Variants in ADAMTS2 observed in about 807,000 individuals in gnomAD.
ADAMTS2 encodes ADAM metallopeptidase with thrombospondin type 1 motif 2, also known as A disintegrin and metalloproteinase with thrombospondin motifs 2.
A neutral mutation model predicts 123.0 loss-of-function variants in ADAMTS2; 50 were observed. The ratio of observed to expected loss-of-function variants is 0.41; its 90% CI spans 0.32 to 0.51. The LOEUF is 0.51. ADAMTS2 is among the 20% of genes least tolerant of loss of function. The probability of loss-of-function intolerance (pLI) is 0.35; values close to 1 mark genes in which losing one functional copy is unlikely to be tolerated. For synonymous variants in ADAMTS2, 678 were observed against 695.4 expected (o/e 0.98, Z 0.39); for missense variants, 1,494 against 1,705.2 (o/e 0.88, Z 2.18).
chr5:179,186,070 C>A (rs567059921), intron 4 of ADAMTS2, among the ~76,000 whole-genome samples: 66 of 152,240 alleles, frequency 4.3e-4, no homozygotes, highest in Non-Finnish European at 3.7e-4. Flanking sequence ...CCCAGGCATG[C>A]CCACTCTCTG....
intron 3 of ADAMTS2, among the ~76,000 whole-genome samples, chr5:179,238,463 G>A (rs1290932729): frequency 3.3e-5 from 5 of 152,158 alleles, no homozygotes; most frequent in African/African-American, 9.7e-5. Context: ...GGGGCTGGAG[G>A]GCACAGGGTC....
rs1764599222 is a variant in ADAMTS2 at position 179,202,761 on chromosome 5, C to T, written c.891+4752G>A. The stretch of plus-strand genomic sequence containing the variant: ...CATGGCGCGGGGTGGGTCGGGAGGG[C>T]CCGAGCCTATGTTGCAGCTGTACCT... On this transcript the variant is annotated intron_variant, in intron 4 of 21. Transcript: ENST00000251582. The surrounding 1 kb of genome is among the most constrained non-coding windows in gnomAD (Gnocchi z 4.0). Among the ~76,000 whole-genome samples the T allele has an allele frequency of 6.6e-6, 1 of 152,168 alleles. No individual in the cohort carries two copies. The highest frequency in any genetic ancestry group is 6.5e-5 in the Admixed American group (1 of 15,284).
intron 20 of ADAMTS2, among the ~76,000 whole-genome samples, chr5:179,122,314 C>T (rs372944020): frequency 7.9e-5 from 12 of 152,334 alleles, no homozygotes; most frequent in African/African-American, 2.9e-4. Flanking sequence ...ACAGAGCACA[C>T]TCTCTACTCG....
At position 179,299,263 on chromosome 5, in the gene ADAMTS2, C is replaced by T. The variant is rs187575345; in HGVS notation, c.535-26199G>A. Among the ~76,000 whole-genome samples, 215 of 148,510 alleles carry T rather than the reference C, an allele frequency of 1.4e-3. 2 individuals are homozygous for T. The highest frequency in any genetic ancestry group is 5.0e-3 in the African/African-American group (199 of 40,022). On this transcript the variant is annotated intron_variant, in intron 2 of 21. Coordinates refer to ENST00000251582, the MANE Select transcript of ADAMTS2 (RefSeq NM_014244.5). ...ACACAAATTTGTCCAGGCGCGGTGG[C>T]TCACGCCTGTAATCCCAGCACTTTG...
At chr5:179,123,604 T>A (rs1352573055) in intron 19 of ADAMTS2, among the ~76,000 whole-genome samples, 1 of 152,144 alleles carries the variant, frequency 6.6e-6, no homozygotes, top group Non-Finnish European at 1.5e-5. Context: ...TTTTTTTAAT[T>A]TTTTTGTAAA....
rs563197208 is a variant in ADAMTS2 at position 179,291,012 on chromosome 5, G to A, written c.535-17948C>T. Among the ~76,000 whole-genome samples the A allele has an allele frequency of 8.5e-5, 13 of 152,334 alleles. No homozygotes were observed. In the East Asian group the frequency reaches 2.3e-3, roughly 27 times the overall value. ...GTGCATGGGGCCACGGATGCCCCAGGAGCTCTAGGGCTGTTGACTATGAGG... is the reference window on the plus strand; with the variant it reads ...GTGCATGGGGCCACGGATGCCCCAGAAGCTCTAGGGCTGTTGACTATGAGG... On this transcript the variant is annotated intron_variant, in intron 2 of 21. Coordinates refer to ENST00000251582, the MANE Select transcript of ADAMTS2 (RefSeq NM_014244.5).
chr5:179,140,153 G>C (rs1581148474), intron 10 of ADAMTS2, 118 bp from the exon 11 acceptor site: 5 of 1,477,420 alleles, frequency 3.4e-6, no homozygotes, highest in African/African-American at 2.8e-5. Flanking sequence ...GGGCACAGGG[G>C]GAGCTCACCC....
Position 179,185,189 on chromosome 5 carries a change from G to C in ADAMTS2, c.892-4034C>G, listed in dbSNP as rs1764140849. On this transcript the variant is annotated intron_variant, in intron 4 of 21. Transcript: ENST00000251582. This position sits in a 1 kb window ranked among gnomAD's most constrained non-coding sequence, Gnocchi z 5.9. ...TTCCAAATCCTCTCTAAGAGCAGTGGGAGGACATGGAGGAAGGATGATGGC... is the reference window on the plus strand; with the variant it reads ...TTCCAAATCCTCTCTAAGAGCAGTGCGAGGACATGGAGGAAGGATGATGGC... Among the ~76,000 whole-genome samples, 1 of 152,182 alleles carries C rather than the reference G, an allele frequency of 6.6e-6. No homozygotes were observed. The highest frequency in any genetic ancestry group is 1.5e-5 in the Non-Finnish European group (1 of 68,028).
At chr5:179,159,678 G>A (rs1763559630) in intron 5 of ADAMTS2, among the ~76,000 whole-genome samples, 1 of 152,122 alleles carries the variant, frequency 6.6e-6, no homozygotes, top group South Asian at 2.1e-4. Flanking sequence ...ACATCAGCAG[G>A]CACTCCCATT....
At chr5:179,251,952 A>G (rs1473583204) in intron 3 of ADAMTS2, among the ~76,000 whole-genome samples, 3 of 151,952 alleles carry the variant, frequency 2.0e-5, no homozygotes, top group African/African-American at 7.2e-5. Flanking sequence ...CCTAACAGCA[A>G]CAATGATCAG....
At chr5:179,289,815 T>A (rs1756134678) in intron 2 of ADAMTS2, among the ~76,000 whole-genome samples, 1 of 152,158 alleles carries the variant, frequency 6.6e-6, no homozygotes. Flanking sequence ...TCTGTGACAG[T>A]CCTGCCAGAA....
In ADAMTS2 at chr5:179,118,212, A is replaced by G. The variant is rs963451725; in HGVS notation, c.3178+3449T>C. Among the ~76,000 whole-genome samples, 2 of 152,248 alleles carry G rather than the reference A, an allele frequency of 1.3e-5. No individual in the cohort carries two copies. Among genetic ancestry groups the G allele is most frequent in the Admixed American group, 6.5e-5 (1 of 15,276 alleles). ...AAGAGATTGACTATGCAAATAGCCT[A>G]GGAAAATTTCAAAATAGCCTAGAAA... On this transcript the variant is annotated intron_variant, in intron 21 of 21. Transcript: ENST00000251582. The surrounding 1 kb of genome is among the most constrained non-coding windows in gnomAD (Gnocchi z 4.5).
In ADAMTS2 at chr5:179,285,276, A is replaced by C. The variant is rs1321833539; in HGVS notation, c.535-12212T>G. On this transcript the variant is annotated intron_variant, in intron 2 of 21. Coordinates refer to ENST00000251582, the MANE Select transcript of ADAMTS2 (RefSeq NM_014244.5). The surrounding 1 kb of genome is among the most constrained non-coding windows in gnomAD (Gnocchi z 4.9). Reference sequence around the variant, plus strand: ...ATAGCAAAACAGACAATTCATGTGAAGACAGGAGAGACGGAAAGGGGGAGA... The same window carrying C: ...ATAGCAAAACAGACAATTCATGTGACGACAGGAGAGACGGAAAGGGGGAGA... 6.6e-6 allele frequency among the ~76,000 whole-genome samples: 1 copy of C among 152,234 alleles called. No homozygotes were observed. Among genetic ancestry groups the C allele is most frequent in the Non-Finnish European group, 1.5e-5 (1 of 68,046 alleles).
At chr5:179,156,801 C>G (rs954214790) in intron 6 of ADAMTS2, among the ~76,000 whole-genome samples, 4 of 152,076 alleles carry the variant, frequency 2.6e-5, no homozygotes, top group African/African-American at 9.7e-5. Context: ...TAAAAACATG[C>G]TTTTCTTGTC....
chr5:179,201,614 T>A (rs1309970027), intron 4 of ADAMTS2, among the ~76,000 whole-genome samples: 1 of 142,008 alleles, frequency 7.0e-6, no homozygotes, highest in Non-Finnish European at 1.5e-5. Flanking sequence ...GTGAAACCAC[T>A]GTCTTTACTA....
At chr5:179,342,493 A>G (rs1254402272) in intron 2 of ADAMTS2, among the ~76,000 whole-genome samples, 1 of 152,252 alleles carries the variant, frequency 6.6e-6, no homozygotes, top group Non-Finnish European at 1.5e-5. Context: ...CAAAGCAACA[A>G]GTGATATTTT....
chr5:179,252,007 TTC>T (rs1405440566), intron 3 of ADAMTS2, among the ~76,000 whole-genome samples: 18 of 150,582 alleles, frequency 1.2e-4, no homozygotes, highest in African/African-American at 4.4e-4. Flanking sequence ...TCTTTTTCTT[TTC>T]TTTTTTTTTT....
At chr5:179,135,840 G>A (rs1763056789) in intron 13 of ADAMTS2, 69 bp downstream of exon 13, 3 of 1,606,394 alleles carry the variant, frequency 1.9e-6, no homozygotes, top group Non-Finnish European at 2.5e-6. Flanking sequence ...CCCCGAAAAG[G>A]GGGAGGTCAG....
chr5:179,191,118 G>C (rs570074303), intron 4 of ADAMTS2, among the ~76,000 whole-genome samples: 1 of 152,246 alleles, frequency 6.6e-6, no homozygotes. Flanking sequence ...GACGCAGAAG[G>C]ACACGGCCGA....
Sources: allele counts gnomAD v4.1 joint callset (sites outside exome capture counted in the v4.1 genomes callset), GRCh38; gene constraint gnomAD v4.1.1; non-coding constraint Gnocchi (gnomAD v3.1); transcripts MANE v1.5; gene names NCBI Gene and HGNC (gene_info 2026-07-23, HGNC 2026-07-21).